The following FAM107B variants were observed in gnomAD, a reference collection of about 807,000 sequenced individuals.
FAM107B encodes the protein protein FAM107B.
In FAM107B, 21 loss-of-function variants were observed where a neutral mutation model predicts 31.5. The observed-to-expected ratio is 0.67, with a 90% CI of 0.47 to 0.96. The LOEUF (loss-of-function observed/expected upper bound fraction) is 0.96. Among genes scored for constraint, FAM107B ranks in the 40% least tolerant of loss-of-function variants. The pLI is 0.00. For missense variants in FAM107B, 452 were observed against 377.1 expected, an observed-to-expected ratio of 1.20 and a Z score of -1.64; for synonymous variants, 157 against 141.5, an observed-to-expected ratio of 1.11 and a Z score of -0.78.
chr10:14,748,204 A>G (rs74122981), intron 1 of FAM107B, among the ~76,000 whole-genome samples: 17,241 of 152,192 alleles, frequency 0.11, 2,207 homozygotes, highest in African/African-American at 0.31. Flanking sequence ...TATTTTCAGA[A>G]GTAATCACAG....
intron 1 of FAM107B, among the ~76,000 whole-genome samples, chr10:14,678,458 GTTC>G (rs1341239597): frequency 6.6e-6 from 1 of 152,174 alleles, no homozygotes; most frequent in Non-Finnish European, 1.5e-5. Context: ...AAACTTCCAT[GTTC>G]ATGGCATTCT....
chr10:14,637,605 C>T (rs1332609422), intron 2 of FAM107B, among the ~76,000 whole-genome samples: 3 of 152,162 alleles, frequency 2.0e-5, no homozygotes, highest in Non-Finnish European at 2.9e-5. Context: ...GATCATGCTA[C>T]AGCACCCTAG....
At chr10:14,574,947 C>T (rs1440790267) in intron 2 of FAM107B, among the ~76,000 whole-genome samples, 1 of 152,072 alleles carries the variant, frequency 6.6e-6, no homozygotes, top group South Asian at 2.1e-4. Context: ...TGTGCCCCAT[C>T]GGAGAACACA....
intron 2 of FAM107B, among the ~76,000 whole-genome samples, chr10:14,635,134 G>T: frequency 7.4e-6 from 1 of 135,916 alleles, no homozygotes. Flanking sequence ...AGAAAGGAAG[G>T]AAGGGAGGGA....
chr10:14,544,600 C>T (rs1216531709), intron 2 of FAM107B, among the ~76,000 whole-genome samples: 2 of 152,168 alleles, frequency 1.3e-5, no homozygotes, highest in African/African-American at 2.4e-5. Flanking sequence ...AATTTGTTGG[C>T]AATGTGTAGC....
chr10:14,735,213 C>T (rs576099000), intron 1 of FAM107B, among the ~76,000 whole-genome samples: 11 of 152,242 alleles, frequency 7.2e-5, no homozygotes, highest in Non-Finnish European at 1.3e-4. Context: ...CTATAGGCCA[C>T]ATGGGGCCTG....
chr10:14,729,089 C>T (rs890362421), intron 1 of FAM107B, among the ~76,000 whole-genome samples: 2 of 152,034 alleles, frequency 1.3e-5, no homozygotes, highest in Non-Finnish European at 2.9e-5. Context: ...ACCTTCTGGG[C>T]TCAAGCAGTC....
intron 2 of FAM107B, among the ~76,000 whole-genome samples, chr10:14,589,914 T>G (rs1294051033): frequency 6.6e-6 from 1 of 152,226 alleles, no homozygotes; most frequent in Non-Finnish European, 1.5e-5. Flanking sequence ...AATGTCTCTA[T>G]GCCTCAACAT....
intron 1 of FAM107B, among the ~76,000 whole-genome samples, chr10:14,741,120 C>A (rs1285122332): frequency 2.0e-5 from 3 of 152,034 alleles, no homozygotes; most frequent in African/African-American, 7.2e-5. Context: ...AGAGGAGTGG[C>A]TGGCAAGATG....
At chr10:14,763,386 G>A (rs1644756692) in intron 1 of FAM107B, among the ~76,000 whole-genome samples, 1 of 152,224 alleles carries the variant, frequency 6.6e-6, no homozygotes, top group South Asian at 2.1e-4. Flanking sequence ...GAATTCACGT[G>A]AGACATTCTC....
intron 1 of FAM107B, among the ~76,000 whole-genome samples, chr10:14,681,514 C>T (rs1854834769): frequency 6.6e-6 from 1 of 152,162 alleles, no homozygotes; most frequent in African/African-American, 2.4e-5. Context: ...CATCCATATA[C>T]AGGGTTTCAG....
intron 2 of FAM107B, among the ~76,000 whole-genome samples, chr10:14,557,410 T>C (rs1402626361): frequency 6.6e-6 from 1 of 152,250 alleles, no homozygotes; most frequent in Admixed American, 6.5e-5. Flanking sequence ...TTATTTGTAC[T>C]AAACTGGTCA....
intron 1 of FAM107B, among the ~76,000 whole-genome samples, chr10:14,757,537 G>A (rs1240054802): frequency 2.0e-5 from 3 of 152,122 alleles, no homozygotes; most frequent in Non-Finnish European, 2.9e-5. Context: ...TGAGCCAGAC[G>A]GAGCGAATCC....
At position 14,534,656 on chromosome 10, in the gene FAM107B, C is replaced by G. The variant is rs1451096806; in HGVS notation, c.470-4141G>C. The G allele has an allele frequency of 5.9e-5, 9 of 151,768 alleles. No individual in the cohort carries two copies. The East Asian group carries it at 1.7e-3, about 29-fold the overall frequency. The allele number at this position is 151,768 out of a possible 1,614,324, so 9.4% of individuals were successfully genotyped here. A position where few individuals can be genotyped will look rare whatever the true frequency, so the allele number is the denominator to read the frequency against. On this transcript the variant is annotated intron_variant, in intron 2 of 4. Coordinates refer to ENST00000181796, the MANE Select transcript of FAM107B (RefSeq NM_031453.4). ...CTTTTCCCACCGCAGCCCCGGATCT[C>G]CACAAAGCCAAACTCACGCATCCAG...
At chr10:14,710,472 ACACAC>A (rs1855619865) in intron 1 of FAM107B, among the ~76,000 whole-genome samples, 1 of 127,868 alleles carries the variant, frequency 7.8e-6, no homozygotes, top group Admixed American at 8.2e-5. Flanking sequence ...ACACACACAC[ACACAC>A]AAAATGTTTA....
intron 1 of FAM107B, among the ~76,000 whole-genome samples, chr10:14,668,654 A>G (rs564694784): frequency 3.9e-5 from 6 of 152,330 alleles, no homozygotes; most frequent in African/African-American, 1.4e-4. Context: ...CTTTACGCCA[A>G]TTAATTTATT....
At chr10:14,673,416 C>G (rs1221131444) in intron 1 of FAM107B, among the ~76,000 whole-genome samples, 2 of 152,164 alleles carry the variant, frequency 1.3e-5, no homozygotes, top group East Asian at 3.8e-4. Context: ...GCTTATTTCA[C>G]TTAATATAAT....
intron 2 of FAM107B, among the ~76,000 whole-genome samples, chr10:14,600,672 C>A (rs1852365053): frequency 6.6e-6 from 1 of 152,224 alleles, no homozygotes; most frequent in African/African-American, 2.4e-5. Flanking sequence ...CAGGCTCTCA[C>A]TCTGTCACCC....
At chr10:14,721,156 C>T (rs1443318566) in intron 1 of FAM107B, among the ~76,000 whole-genome samples, 1 of 152,142 alleles carries the variant, frequency 6.6e-6, no homozygotes, top group Non-Finnish European at 1.5e-5. Flanking sequence ...CATCCATGTC[C>T]CTACAAAGGA....
Sources: allele counts gnomAD v4.1 joint callset (sites outside exome capture counted in the v4.1 genomes callset), GRCh38; gene constraint gnomAD v4.1.1; transcripts MANE v1.5; gene names NCBI Gene and HGNC (gene_info 2026-07-23, HGNC 2026-07-21).